C2orf76: variants seen among roughly 807,000 people sequenced by gnomAD.
C2orf76 encodes chromosome 2 open reading frame 76, also known as UPF0538 protein C2orf76.
C2orf76 carries 23 observed loss-of-function variants against 16.9 expected under a neutral mutation model. The ratio of observed to expected loss-of-function variants is 1.36; its 90% CI spans 0.98 to 1.93. The LOEUF is 1.93. Among genes scored for constraint, C2orf76 ranks in the 30% most tolerant of loss-of-function variants. C2orf76 has a pLI of 0.00. For synonymous variants in C2orf76, 48 were observed against 52.3 expected (o/e 0.92, Z 0.35); for missense variants, 152 against 152.6 (o/e 1.00, Z 0.02).
downstream of C2orf76, among the ~76,000 whole-genome samples, chr2:119,301,501 C>T (rs1678621414): frequency 6.6e-6 from 1 of 151,968 alleles, no homozygotes; most frequent in Non-Finnish European, 1.5e-5. Flanking sequence ...CCCTCCGGCA[C>T]TCAGGGAGCA....
intron 5 of C2orf76, among the ~76,000 whole-genome samples, chr2:119,304,162 T>C (rs576744531): frequency 7.2e-5 from 11 of 152,244 alleles, no homozygotes; most frequent in African/African-American, 2.6e-4. Flanking sequence ...TGCCCAGAGG[T>C]AGATGTATAT....
intron 2 of C2orf76, among the ~76,000 whole-genome samples, chr2:119,328,131 G>A (rs967040748): frequency 6.6e-6 from 1 of 152,030 alleles, no homozygotes; most frequent in Non-Finnish European, 1.5e-5. Context: ...ATATAGCTGG[G>A]ATTAGAGGCA....
chr2:119,350,040 G>A (rs891229744), intron 1 of C2orf76, among the ~76,000 whole-genome samples: 28 of 147,946 alleles, frequency 1.9e-4, no homozygotes, highest in Non-Finnish European at 1.2e-4. Context: ...CAGGATTACA[G>A]GTGTGAGCCA....
chr2:119,316,599 T>C (rs112112925), intron 4 of C2orf76, among the ~76,000 whole-genome samples: 12 of 152,256 alleles, frequency 7.9e-5, no homozygotes, highest in African/African-American at 2.6e-4. Context: ...TGAAAGGTGA[T>C]TGAGTGTATG....
the C2orf76 span, among the ~76,000 whole-genome samples, chr2:119,292,078 A>G: frequency 6.6e-6 from 1 of 152,114 alleles, no homozygotes; most frequent in South Asian, 2.1e-4. Flanking sequence ...GCAAACACAG[A>G]AAGACAAATG....
chr2:119,282,584 A>C, the C2orf76 span, among the ~76,000 whole-genome samples: 1 of 152,212 alleles, frequency 6.6e-6, no homozygotes, highest in Admixed American at 6.5e-5. Flanking sequence ...CCCGTCCAGC[A>C]TGGTCCAGGT....
chr2:119,366,303 G>A, intron 1 of C2orf76: 1 of 402,540 alleles, frequency 2.5e-6, no homozygotes, highest in South Asian at 1.9e-5. Context: ...ACTTCGTCCC[G>A]TCCAAGTTTG....
Position 119,317,134 on chromosome 2 carries a change from G to C in C2orf76, c.222+332C>G, listed in dbSNP as rs149414209. 7.2e-5 allele frequency among the ~76,000 whole-genome samples: 11 copies of C among 152,246 alleles called. 1 individual carries two copies. The East Asian group carries it at 2.1e-3, about 29-fold the overall frequency. On this transcript the variant is annotated intron_variant, in intron 4 of 5. Coordinates refer to ENST00000334816, the MANE Select transcript of C2orf76 (RefSeq NM_001322331.2). ...AGAATTAAGAAAATCAAAGACACTG[G>C]ATTGCCAGATAATAAGCAGTTTCTT... is the stretch of plus-strand genomic sequence containing the variant.
chr2:119,339,874 AC>A lies in C2orf76; in HGVS notation c.85del (p.Val29Ter). The A allele has an allele frequency of 2.5e-6, 4 of 1,610,336 alleles. No individual in the cohort carries two copies. The highest frequency in any genetic ancestry group is 3.4e-6 in the Non-Finnish European group (4 of 1,176,918). On this transcript the variant is annotated frameshift_variant, in exon 2 of 6. Transcript: ENST00000334816. LOFTEE classifies it high-confidence loss of function. The stretch of plus-strand genomic sequence containing the variant: ...TTCCTTTACAGTTTGGTCCAAATTC[AC>A]TCCGTGATACACTACAGGTTTGAAA... ...RNFKPVVYHG[V>X]NLDQTVKEFI... is the part of the protein sequence containing the mutation.
At chr2:119,356,490 T>C (rs1254586237) in intron 1 of C2orf76, among the ~76,000 whole-genome samples, 2 of 151,016 alleles carry the variant, frequency 1.3e-5, no homozygotes, top group African/African-American at 2.4e-5. Flanking sequence ...TATAGCACTG[T>C]GAAGAGGAAA....
At chr2:119,327,336 A>ATT (rs34185420) in intron 2 of C2orf76, among the ~76,000 whole-genome samples, 9,933 of 68,850 alleles carry the variant, frequency 0.14, 2,104 homozygotes, top group Non-Finnish European at 0.16. Flanking sequence ...AATTACATGG[A>ATT]TTTTTTTTTT....
intron 1 of C2orf76, among the ~76,000 whole-genome samples, chr2:119,354,113 A>C (rs901956123): frequency 3.9e-5 from 6 of 152,238 alleles, no homozygotes; most frequent in Admixed American, 6.5e-5. Context: ...TTGAAACATC[A>C]AATTGTGCTC....
At chr2:119,363,727 T>C (rs535403405) in intron 1 of C2orf76, among the ~76,000 whole-genome samples, 4 of 152,192 alleles carry the variant, frequency 2.6e-5, no homozygotes, top group Non-Finnish European at 4.4e-5. Context: ...CTTTCACTTA[T>C]TAATATATCT....
intron 5 of C2orf76, among the ~76,000 whole-genome samples, chr2:119,310,652 G>A (rs556369225): frequency 7.1e-4 from 108 of 152,166 alleles, no homozygotes; most frequent in Non-Finnish European, 1.4e-3. Flanking sequence ...CAGGCAGATC[G>A]CCTGAGGTTA....
intron 1 of C2orf76, among the ~76,000 whole-genome samples, chr2:119,361,193 G>A (rs1680733480): frequency 6.6e-6 from 1 of 152,154 alleles, no homozygotes; most frequent in African/African-American, 2.4e-5. Flanking sequence ...ACTTTTGATG[G>A]TTTGAACCCA....
chr2:119,295,768 G>A, the C2orf76 span, among the ~76,000 whole-genome samples: 3 of 152,294 alleles, frequency 2.0e-5, no homozygotes, highest in South Asian at 4.1e-4. Context: ...TCCGGGACCT[G>A]AAATGGATTT....
intron 5 of C2orf76, among the ~76,000 whole-genome samples, chr2:119,307,657 C>T (rs1233196617): frequency 6.6e-6 from 1 of 151,990 alleles, no homozygotes; most frequent in African/African-American, 2.4e-5. Flanking sequence ...TGCCGGAGTT[C>T]GGAGTTAGGA....
At chr2:119,364,156 G>T (rs1323583531) in intron 1 of C2orf76, among the ~76,000 whole-genome samples, 1 of 152,070 alleles carries the variant, frequency 6.6e-6, no homozygotes, top group Non-Finnish European at 1.5e-5. Context: ...GAGAGATCTT[G>T]CCCATCTGGC....
intron 1 of C2orf76, among the ~76,000 whole-genome samples, chr2:119,349,181 T>C (rs1257595686): frequency 6.6e-6 from 1 of 152,236 alleles, no homozygotes; most frequent in Non-Finnish European, 1.5e-5. Context: ...TACTTTTTAA[T>C]ATTGTTTGAT....
Sources: gnomAD v4.1 joint callset for allele counts (sites outside exome capture counted in the v4.1 genomes callset) on GRCh38, gnomAD v4.1.1 for gene constraint, MANE v1.5 for transcripts, NCBI Gene and HGNC (gene_info 2026-07-23, HGNC 2026-07-21) for gene names.